Variants in ZNG1E observed in about 807,000 individuals in gnomAD.
ZNG1E encodes the protein zinc-regulated GTPase metalloprotein activator 1E.
the ZNG1E span, among the ~76,000 whole-genome samples, chr9:65,678,467 G>A: frequency 7.1e-6 from 1 of 139,918 alleles, no homozygotes; most frequent in Non-Finnish European, 1.5e-5. Flanking sequence ...CAGAAGACAT[G>A]TATAGCCTAC....
chr9:65,667,171 C>T, the ZNG1E span, among the ~76,000 whole-genome samples: 1 of 152,236 alleles, frequency 6.6e-6, no homozygotes, highest in South Asian at 2.1e-4. Flanking sequence ...ACTTTAGGCA[C>T]AAACCAGCAC....
the ZNG1E span, among the ~76,000 whole-genome samples, chr9:65,665,022 G>A: frequency 8.7e-3 from 1,313 of 151,662 alleles, no homozygotes; most frequent in African/African-American, 0.03. Context: ...GCTGTTAAAG[G>A]TATTCAGTTT....
chr9:65,677,098 A>C, the ZNG1E span: 11 of 1,535,058 alleles, frequency 7.2e-6, no homozygotes, highest in Non-Finnish European at 8.8e-6. Context: ...TAATTTTATA[A>C]AGGAATTTAT....
chr9:65,685,200 CTT>C, the ZNG1E span, among the ~76,000 whole-genome samples: 1 of 152,262 alleles, frequency 6.6e-6, no homozygotes, highest in Non-Finnish European at 1.5e-5. Context: ...AAGTCATAAT[CTT>C]TTTGCTGGTA....
chr9:65,714,619 G>T, the ZNG1E span, among the ~76,000 whole-genome samples: 1 of 152,100 alleles, frequency 6.6e-6, no homozygotes, highest in Non-Finnish European at 1.5e-5. Context: ...ACCTTCAGCT[G>T]CAGGTCTGTT....
At chr9:65,662,468 T>C in the ZNG1E span, among the ~76,000 whole-genome samples, 2 of 152,204 alleles carry the variant, frequency 1.3e-5, no homozygotes, top group South Asian at 2.1e-4. Flanking sequence ...ATGGTAGTGA[T>C]AGTAAGATAT....
the ZNG1E span, among the ~76,000 whole-genome samples, chr9:65,685,727 A>C: frequency 6.6e-6 from 1 of 152,344 alleles, no homozygotes; most frequent in South Asian, 2.1e-4. Context: ...ATCATCTTTC[A>C]AACTCCTATT....
the ZNG1E span, among the ~76,000 whole-genome samples, chr9:65,684,708 T>G: frequency 1.3e-5 from 2 of 152,116 alleles, no homozygotes; most frequent in African/African-American, 4.8e-5. Context: ...CCAACCCAGA[T>G]CTACTGAATC....
the ZNG1E span, among the ~76,000 whole-genome samples, chr9:65,675,423 TAA>T: frequency 7.3e-5 from 11 of 150,252 alleles, no homozygotes; most frequent in Non-Finnish European, 1.2e-4. Context: ...TATGTAATAA[TAA>T]AAAAAGAAAA....
the ZNG1E span, among the ~76,000 whole-genome samples, chr9:65,657,826 G>T: frequency 1.3e-5 from 2 of 152,288 alleles, no homozygotes; most frequent in African/African-American, 4.8e-5. Context: ...TGCCTGCCGG[G>T]CACATGGCTC....
At chr9:65,719,831 T>C in the ZNG1E span, 1 of 678,366 alleles carries the variant, frequency 1.5e-6, no homozygotes, top group Non-Finnish European at 2.4e-6. Context: ...TATGTATATA[T>C]ATGAATGTGT....
the ZNG1E span, among the ~76,000 whole-genome samples, chr9:65,691,576 T>G: frequency 2.0e-5 from 3 of 152,248 alleles, no homozygotes; most frequent in Admixed American, 2.0e-4. Context: ...TCCACTAAGG[T>G]TTTCTTTAAA....
At chr9:65,679,704 G>A in the ZNG1E span, among the ~76,000 whole-genome samples, 502 of 152,020 alleles carry the variant, frequency 3.3e-3, no homozygotes, top group South Asian at 0.018. Context: ...ACAGGCATGC[G>A]CCACCATGCC....
At chr9:65,715,399 T>C in the ZNG1E span, among the ~76,000 whole-genome samples, 1 of 150,810 alleles carries the variant, frequency 6.6e-6, no homozygotes, top group Non-Finnish European at 1.5e-5. Flanking sequence ...GAGCTGTTCC[T>C]ATTCGGCCAT....
At chr9:65,691,731 C>T in the ZNG1E span, among the ~76,000 whole-genome samples, 15 of 151,956 alleles carry the variant, frequency 9.9e-5, no homozygotes, top group African/African-American at 3.1e-4. Flanking sequence ...AAGAATTAAA[C>T]ACTCCTCCCT....
the ZNG1E span, among the ~76,000 whole-genome samples, chr9:65,691,656 C>T: frequency 2.6e-5 from 4 of 152,350 alleles, no homozygotes; most frequent in East Asian, 3.9e-4. Flanking sequence ...AATGTTAGAG[C>T]CTTTTATTTT....
At chr9:65,720,014 T>C in the ZNG1E span, 1 of 1,599,980 alleles carries the variant, frequency 6.3e-7, no homozygotes, top group Non-Finnish European at 8.5e-7. Flanking sequence ...TGTATTAATC[T>C]CTGAATTTCT....
the ZNG1E span, among the ~76,000 whole-genome samples, chr9:65,656,300 ATT>A: frequency 2.6e-4 from 37 of 141,306 alleles, no homozygotes; most frequent in African/African-American, 9.8e-4. Context: ...TAAAGGGATT[ATT>A]TTTTTAAGGC....
At chr9:65,719,766 T>G in the ZNG1E span, 10 of 381,326 alleles carry the variant, frequency 2.6e-5, no homozygotes, top group Non-Finnish European at 4.6e-5. Context: ...ACTGACATAT[T>G]TAACCATACA....
Sources: gnomAD v4.1 joint callset for allele counts (sites outside exome capture counted in the v4.1 genomes callset) on GRCh38, gnomAD v4.1.1 for gene constraint, MANE v1.5 for transcripts, NCBI Gene and HGNC (gene_info 2026-07-23, HGNC 2026-07-21) for gene names.